The following SEMA6D variants were observed in gnomAD, a reference collection of about 807,000 sequenced individuals.
The protein encoded by SEMA6D is semaphorin 6D.
In SEMA6D, 35 loss-of-function variants were observed where a neutral mutation model predicts 106.6. That is an observed-to-expected ratio of 0.33 (90% CI 0.25 to 0.44). SEMA6D has a LOEUF of 0.44. Among genes scored for constraint, SEMA6D ranks in the 20% least tolerant of loss-of-function variants. The pLI, the probability that SEMA6D is intolerant of heterozygous loss-of-function variation, is 1.00. For missense variants in SEMA6D, 1,185 were observed against 1,345.9 expected, an observed-to-expected ratio of 0.88 and a Z score of 1.87; for synonymous variants, 499 against 487.7, an observed-to-expected ratio of 1.02 and a Z score of -0.31.
chr15:47,411,253 G>C (rs987917755), intron 1 of SEMA6D, among the ~76,000 whole-genome samples: 2 of 151,846 alleles, frequency 1.3e-5, no homozygotes, highest in Non-Finnish European at 2.9e-5. Flanking sequence ...TTGCCACCAC[G>C]CCCGGCTAAT....
chr15:47,395,138 G>C (rs2040170388), intron 1 of SEMA6D, among the ~76,000 whole-genome samples: 1 of 152,010 alleles, frequency 6.6e-6, no homozygotes, highest in African/African-American at 2.4e-5. Context: ...TTGAAATGCA[G>C]AAAACTAAAA....
At chr15:47,680,438 A>T (rs1417746012) in intron 4 of SEMA6D, among the ~76,000 whole-genome samples, 1 of 152,166 alleles carries the variant, frequency 6.6e-6, no homozygotes. Flanking sequence ...TGATTAATGA[A>T]TTTATTATTA....
chr15:47,225,674 C>T (rs534946351), intron 1 of SEMA6D, among the ~76,000 whole-genome samples: 1 of 151,380 alleles, frequency 6.6e-6, no homozygotes, highest in African/African-American at 2.4e-5. Flanking sequence ...GATTATAGGC[C>T]TCCGCCACCA....
chr15:47,586,436 C>T (rs1484984121), intron 3 of SEMA6D, among the ~76,000 whole-genome samples: 2 of 152,174 alleles, frequency 1.3e-5, no homozygotes, highest in Non-Finnish European at 2.9e-5. Flanking sequence ...TTGGGCAAGG[C>T]AGCTAACTTC....
chr15:47,708,335 A>G (rs968270646), intron 4 of SEMA6D, among the ~76,000 whole-genome samples: 1 of 152,020 alleles, frequency 6.6e-6, no homozygotes, highest in African/African-American at 2.4e-5. Flanking sequence ...ACCATGCCCT[A>G]TCACCCTCCC....
intron 1 of SEMA6D, among the ~76,000 whole-genome samples, chr15:47,202,163 GAGGGC>G (rs1894767462): frequency 6.6e-6 from 1 of 152,006 alleles, no homozygotes; most frequent in African/African-American, 2.4e-5. Context: ...CAGGTCAGGA[GAGGGC>G]CTCCCTGACC....
At chr15:47,411,286 G>A (rs908398393) in intron 1 of SEMA6D, among the ~76,000 whole-genome samples, 3 of 151,824 alleles carry the variant, frequency 2.0e-5, no homozygotes, top group East Asian at 1.9e-4. Flanking sequence ...TAGCAGAGAC[G>A]GGGTTTCGCT....
intron 1 of SEMA6D, among the ~76,000 whole-genome samples, chr15:47,750,962 G>T (rs755113359): frequency 6.6e-6 from 1 of 152,204 alleles, no homozygotes; most frequent in Non-Finnish European, 1.5e-5. Context: ...GAGTTACTTG[G>T]TGAGCCTGGA....
intron 2 of SEMA6D, among the ~76,000 whole-genome samples, chr15:47,446,138 G>T (rs1596016094): frequency 6.6e-6 from 1 of 152,242 alleles, no homozygotes; most frequent in East Asian, 1.9e-4. Flanking sequence ...CCCTGGAAGG[G>T]CAGGCTTGCT....
intron 1 of SEMA6D, among the ~76,000 whole-genome samples, chr15:47,726,514 A>G (rs1414303694): frequency 1.3e-5 from 2 of 152,222 alleles, no homozygotes; most frequent in African/African-American, 4.8e-5. Flanking sequence ...TGGACCCATG[A>G]TAGGCAGTGT....
intron 3 of SEMA6D, among the ~76,000 whole-genome samples, chr15:47,577,910 G>A (rs1375127791): frequency 1.3e-5 from 2 of 152,208 alleles, no homozygotes; most frequent in Non-Finnish European, 2.9e-5. Context: ...AAATATGCAT[G>A]TGGAAGAAAA....
chr15:47,292,749 T>A (rs1174552066), intron 1 of SEMA6D, among the ~76,000 whole-genome samples: 5 of 152,180 alleles, frequency 3.3e-5, no homozygotes, highest in Non-Finnish European at 7.3e-5. Flanking sequence ...ACTGGTGTCA[T>A]CCATCCCAGG....
intron 4 of SEMA6D, among the ~76,000 whole-genome samples, chr15:47,612,037 T>C (rs143060146): frequency 6.6e-6 from 1 of 152,298 alleles, no homozygotes; most frequent in East Asian, 1.9e-4. Flanking sequence ...CTTGGCTTTA[T>C]CCTGAGTTTA....
chr15:47,281,616 C>G (rs913443193), intron 1 of SEMA6D, among the ~76,000 whole-genome samples: 1 of 152,108 alleles, frequency 6.6e-6, no homozygotes, highest in African/African-American at 2.4e-5. Context: ...GCAGTTTCTT[C>G]CTAGTCTCAA....
chr15:47,617,678 G>GT (rs1182998161), intron 4 of SEMA6D, among the ~76,000 whole-genome samples: 1 of 152,182 alleles, frequency 6.6e-6, no homozygotes, highest in East Asian at 1.9e-4. Context: ...AAATTCCTGT[G>GT]TTTGGTTTAG....
At chr15:47,351,454 C>G (rs2038322565) in intron 1 of SEMA6D, among the ~76,000 whole-genome samples, 1 of 152,112 alleles carries the variant, frequency 6.6e-6, no homozygotes, top group South Asian at 2.1e-4. Flanking sequence ...AAAATTCCCT[C>G]ATGTATATTA....
At chr15:47,746,984 G>GTATA (rs3985864) in intron 1 of SEMA6D, among the ~76,000 whole-genome samples, 4,033 of 122,056 alleles carry the variant, frequency 0.033, 212 homozygotes, top group African/African-American at 0.1. Flanking sequence ...GTGTGTGTGT[G>GTATA]TATATATATA....
At chr15:47,754,668 A>T (rs2081615128) in intron 1 of SEMA6D, among the ~76,000 whole-genome samples, 1 of 152,132 alleles carries the variant, frequency 6.6e-6, no homozygotes, top group South Asian at 2.1e-4. Context: ...GCTTATAATC[A>T]TATCAGTTTT....
intron 4 of SEMA6D, among the ~76,000 whole-genome samples, chr15:47,607,671 A>G (rs1912635): frequency 0.42 from 63,913 of 152,166 alleles, 14,920 homozygotes; most frequent in South Asian, 0.53. Context: ...TGTTTTATAA[A>G]TCTTGCAAAT....
Sources: allele counts gnomAD v4.1 joint callset (sites outside exome capture counted in the v4.1 genomes callset), GRCh38; gene constraint gnomAD v4.1.1; transcripts MANE v1.5; gene names NCBI Gene and HGNC (gene_info 2026-07-23, HGNC 2026-07-21).